The following NINL variants were observed in gnomAD, a reference collection of about 807,000 sequenced individuals.
NINL encodes the protein ninein-like protein.
A neutral mutation model predicts 160.3 loss-of-function variants in NINL; 153 were observed. That is an observed-to-expected ratio of 0.95 (90% confidence interval 0.84 to 1.09). The LOEUF (loss-of-function observed/expected upper bound fraction) is 1.09. NINL is among the 50% of genes least tolerant of loss of function. The probability of loss-of-function intolerance (pLI) is 0.00; values close to 1 mark genes in which losing one functional copy is unlikely to be tolerated. For missense variants in NINL, 1,829 were observed against 1,764.0 expected, an observed-to-expected ratio of 1.04 and a Z score of -0.66; for synonymous variants, 800 against 734.8, an observed-to-expected ratio of 1.09 and a Z score of -1.43.
intron 1 of NINL, among the ~76,000 whole-genome samples, chr20:25,561,762 G>A (rs1201010388): frequency 2.0e-5 from 3 of 148,680 alleles, no homozygotes; most frequent in Admixed American, 6.6e-5. Context: ...CTGCCCAGCC[G>A]CCCCGTCTGA....
intron 7 of NINL, among the ~76,000 whole-genome samples, chr20:25,501,848 C>T (rs1384186666): frequency 6.6e-6 from 1 of 152,210 alleles, no homozygotes; most frequent in Non-Finnish European, 1.5e-5. Flanking sequence ...CATCTTCTCT[C>T]AAACTCCTGG....
chr20:25,499,898 G>GT, intron 8 of NINL, among the ~76,000 whole-genome samples: 1 of 135,760 alleles, frequency 7.4e-6, no homozygotes, highest in East Asian at 2.2e-4. Context: ...TAGGAAAAGC[G>GT]AAGGGTCGCA....
At chr20:25,532,895 C>T (rs1000275280) in intron 1 of NINL, among the ~76,000 whole-genome samples, 4 of 152,136 alleles carry the variant, frequency 2.6e-5, no homozygotes, top group Admixed American at 6.6e-5. Flanking sequence ...AGCGTCTTTC[C>T]GTAACCTCTC....
intron 1 of NINL, among the ~76,000 whole-genome samples, chr20:25,573,296 TCAA>T (rs869129288): frequency 1.4e-5 from 2 of 144,762 alleles, no homozygotes; most frequent in Non-Finnish European, 1.5e-5. Flanking sequence ...AAACTCCATC[TCAA>T]AAAAAAAAAA....
intron 10 of NINL, among the ~76,000 whole-genome samples, chr20:25,494,017 G>A (rs2063695413): frequency 6.6e-6 from 1 of 151,986 alleles, no homozygotes. Flanking sequence ...AGGAGCCAGT[G>A]GCACCAAGAA....
chr20:25,530,302 C>A (rs2064434193), intron 1 of NINL, among the ~76,000 whole-genome samples: 1 of 152,124 alleles, frequency 6.6e-6, no homozygotes. Flanking sequence ...TAACACTGAA[C>A]ACATTATTTT....
At chr20:25,524,420 G>A (rs2064317072) in intron 2 of NINL, among the ~76,000 whole-genome samples, 1 of 152,216 alleles carries the variant, frequency 6.6e-6, no homozygotes, top group Admixed American at 6.5e-5. Flanking sequence ...GGATGGAGCT[G>A]GGACAGACGG....
chr20:25,473,320 A>G (rs2063150284), intron 17 of NINL, among the ~76,000 whole-genome samples: 1 of 152,124 alleles, frequency 6.6e-6, no homozygotes, highest in Non-Finnish European at 1.5e-5. Flanking sequence ...TAAAAAGTTA[A>G]AAAGAGGCTG....
At position 25,489,914 on chromosome 20, in the gene NINL, C is replaced by G. The variant is rs768424733; in HGVS notation, c.1557G>C (p.Leu519=). The G allele has an allele frequency of 1.2e-6, 2 of 1,614,226 alleles. No individual in the cohort carries two copies. Among genetic ancestry groups the G allele is most frequent in the Non-Finnish European group, 8.5e-7 (1 of 1,180,034 alleles). ...EKLSDSERLA[L]KLQKDLEFVL... Reference sequence around the variant, plus strand: ...CAAACTCCAGGTCCTTCTGCAGCTTCAGGGCCAGCCTCTCCGAATCCGAAA... The same window carrying G: ...CAAACTCCAGGTCCTTCTGCAGCTTGAGGGCCAGCCTCTCCGAATCCGAAA... The change falls in exon 12 of 24, where the codon CTG becomes CTC. Residue 519 remains leucine, a synonymous_variant. Coordinates refer to ENST00000278886, the MANE Select transcript of NINL (RefSeq NM_025176.6).
At chr20:25,542,757 G>A (rs1169735051) in intron 1 of NINL, among the ~76,000 whole-genome samples, 6 of 114,244 alleles carry the variant, frequency 5.3e-5, no homozygotes, top group Admixed American at 3.6e-4. Flanking sequence ...AAGCCTGGGC[G>A]TGGTGGCTCA....
intron 1 of NINL, among the ~76,000 whole-genome samples, chr20:25,531,260 G>A (rs937679471): frequency 1.3e-5 from 2 of 152,046 alleles, no homozygotes; most frequent in African/African-American, 2.4e-5. Flanking sequence ...CTTTTTTCAC[G>A]GTGCCCAGAT....
At chr20:25,567,103 C>T (rs1382695155) in intron 1 of NINL, among the ~76,000 whole-genome samples, 1 of 151,976 alleles carries the variant, frequency 6.6e-6, no homozygotes, top group African/African-American at 2.4e-5. Flanking sequence ...GAGACCCTGT[C>T]TCAAAAAAAA....
intron 22 of NINL, among the ~76,000 whole-genome samples, chr20:25,457,079 A>T (rs939743739): frequency 6.6e-6 from 1 of 152,126 alleles, no homozygotes; most frequent in Admixed American, 6.5e-5. Flanking sequence ...TAATCCCAGC[A>T]CTTTGGGAGA....
intron 6 of NINL, 106 bp from the exon 7 acceptor site, chr20:25,504,210 G>T: frequency 8.2e-7 from 1 of 1,225,434 alleles, no homozygotes; most frequent in Non-Finnish European, 1.1e-6. Flanking sequence ...TACCCAACAA[G>T]GGCCGTTTCC....
chr20:25,550,950 C>T (rs1290416103), intron 1 of NINL, among the ~76,000 whole-genome samples: 5 of 152,148 alleles, frequency 3.3e-5, no homozygotes, highest in Non-Finnish European at 5.9e-5. Flanking sequence ...CTTTCCTTTC[C>T]CACGAGGCCA....
At chr20:25,500,045 C>G (rs1283146598) in intron 8 of NINL, among the ~76,000 whole-genome samples, 1 of 151,304 alleles carries the variant, frequency 6.6e-6, no homozygotes, top group Non-Finnish European at 1.5e-5. Context: ...ACACCAACAG[C>G]TGTCGCCCCC....
chr20:25,482,199 T>C, intron 13 of NINL, 99 bp from the exon 14 acceptor site: 1 of 1,406,254 alleles, frequency 7.1e-7, no homozygotes. Context: ...GCAGGTGAGG[T>C]GCACTGTGAG....
rs751239461 is a variant in NINL, at chr20:25,461,605, G to C, written c.3613C>G (p.Leu1205Val). ...TGATGTTCCTGATTCAGGCATTCAA[G>C]TTCAACTCTAAGTTTTTGGATTTGG... ...SDQIQKLRVE[L>V]ECLNQEHQSL... The change falls in exon 21 of 24, where the codon CTT (leucine) becomes GTT (valine). Residue 1205 changes from leucine (L) to valine (V), a missense_variant. Coordinates refer to ENST00000278886, the MANE Select transcript of NINL (RefSeq NM_025176.6). 3 of 1,612,630 alleles carry C rather than the reference G, an allele frequency of 1.9e-6. No individual in the cohort carries two copies. The highest frequency in any genetic ancestry group is 4.5e-5 in the East Asian group (2 of 44,828).
chr20:25,523,695 T>G (rs2064303607), intron 2 of NINL, among the ~76,000 whole-genome samples: 1 of 152,238 alleles, frequency 6.6e-6, no homozygotes. Context: ...CAGGCTGGAG[T>G]GCAATGGCGC....
Sources: allele counts gnomAD v4.1 joint callset (sites outside exome capture counted in the v4.1 genomes callset), GRCh38; gene constraint gnomAD v4.1.1; transcripts MANE v1.5; gene names NCBI Gene and HGNC (gene_info 2026-07-23, HGNC 2026-07-21).